Variants in POMT1 observed in about 807,000 individuals in gnomAD.
POMT1 encodes the protein protein O-mannosyl-transferase 1.
A neutral mutation model predicts 101.6 loss-of-function variants in POMT1; 85 were observed. The observed-to-expected ratio is 0.84, with a 90% CI of 0.70 to 1.00. POMT1 has a LOEUF of 1.00. POMT1 is among the 50% of genes least tolerant of loss of function. The pLI, the probability that POMT1 is intolerant of heterozygous loss-of-function variation, is 0.00. For missense variants in POMT1, 857 were observed against 930.4 expected (o/e 0.92, Z 1.03); for synonymous variants, 371 against 383.0 (o/e 0.97, Z 0.37).
rs1224773948 is a variant in POMT1 at position 131,521,385 on chromosome 9, T to G, written c.1738T>G (p.Ser580Ala). The G allele has an allele frequency of 1.2e-6, 2 of 1,614,190 alleles. No individual in the cohort carries two copies. The highest frequency in any genetic ancestry group is 3.3e-5 in the Admixed American group (2 of 60,010). The part of the protein sequence containing the change: ...HLLGNIVIWV[S>A]GSLALAIYAL... ...ACTTGGAAACATAGTGATCTGGGTT[T>G]CGGGCAGCCTCGCTCTGGCCATCTA... The change falls in exon 18 of 20, where the codon TCG becomes GCG. Residue 580 changes from serine to alanine, a missense_variant. Ser to Ala is a moderately conservative substitution (Grantham distance 99). Transcript: ENST00000402686.
At chr9:131,521,983 AAGAG>A in intron 18 of POMT1, 60 bp from the exon 19 acceptor site, 1 of 1,608,220 alleles carries the variant, frequency 6.2e-7, no homozygotes, top group Admixed American at 1.7e-5. Context: ...AAAAAAGCAA[AAGAG>A]AGAGAAGACC....
chr9:131,520,373 G>A (rs1289956107), intron 17 of POMT1, among the ~76,000 whole-genome samples, 180 bp downstream of exon 17: 1 of 152,264 alleles, frequency 6.6e-6, no homozygotes, highest in Non-Finnish European at 1.5e-5. Flanking sequence ...AGGAGTAGGG[G>A]TGTGGCATGT....
Position 131,521,469 on chromosome 9 carries a change from C to A in POMT1, c.1822C>A (p.Gln608Lys). Residue 608 changes from glutamine (Q) to lysine (K), a missense_variant, in exon 18 of 20, where the codon CAG (glutamine) becomes AAG (lysine). Transcript: ENST00000402686. ...GCGAAGAAATGTCCATGACCTCCCT[C>A]AGGGTTAGTACCTCTCCCACATGGC... is the stretch of plus-strand genomic sequence containing the variant. ...RRRRNVHDLP[Q>K]DAWLRWVLAG... The A allele has an allele frequency of 6.2e-7, 1 of 1,614,006 alleles. No individual in the cohort carries two copies. The highest frequency in any genetic ancestry group is 8.5e-7 in the Non-Finnish European group (1 of 1,179,966).
intron 2 of POMT1, 90 bp from the exon 3 acceptor site, chr9:131,506,024 T>G: frequency 6.4e-7 from 1 of 1,559,884 alleles, no homozygotes; most frequent in Non-Finnish European, 8.7e-7. Context: ...TCAAAGTCAT[T>G]TGGAAACACA....
Position 131,513,891 on chromosome 9 carries a change from C to T in POMT1, c.1175+560C>T, listed in dbSNP as rs368911953. Among the ~76,000 whole-genome samples, 47 of 152,316 alleles carry T rather than the reference C, an allele frequency of 3.1e-4. No homozygotes were observed. In the East Asian group the frequency reaches 4.2e-3, roughly 14 times the overall value. On this transcript the variant is annotated intron_variant, in intron 12 of 19. Transcript: ENST00000402686. ...TTGCTCTCAGTCTCTGAGGGCCCTC[C>T]GGCCTTGCTGCCTCTGCACAGGCCC...
rs140258585 is a variant in POMT1 at position 131,522,041 on chromosome 9, C to A, written c.1826-6C>A. ...GAGTCGGTGTAGCTCGAGCCCTTTC[C>A]TATAGATGCCTGGCTGCGCTGGGTG... On this transcript the variant is annotated splice_polypyrimidine_tract_variant and splice_region_variant and intron_variant, in intron 18 of 19. Coordinates refer to ENST00000402686, the MANE Select transcript of POMT1 (RefSeq NM_001077365.2). This position sits in a 1 kb window ranked among gnomAD's most constrained non-coding sequence, Gnocchi z 5.5. The A allele has an allele frequency of 0.011, 17,628 of 1,614,002 alleles. 148 individuals carry two copies. The highest frequency in any genetic ancestry group is 0.014 in the Non-Finnish European group (16,034 of 1,180,032).
intron 13 of POMT1, among the ~76,000 whole-genome samples, chr9:131,518,027 G>A (rs1355208475): frequency 3.3e-5 from 5 of 152,260 alleles, no homozygotes; most frequent in Admixed American, 6.5e-5. Context: ...CTCGATGCGA[G>A]GAAATCTCTA....
At chr9:131,510,671 T>A in intron 9 of POMT1, 1 of 499,510 alleles carries the variant, frequency 2.0e-6, no homozygotes, top group East Asian at 4.1e-5. Context: ...ACCCAGCTAA[T>A]TTTTTTGTTT....
In POMT1 at chr9:131,521,640, A is replaced by G. The variant is rs536510274; in HGVS notation, c.1825+168A>G. ...CTGAGCATTCACCGCCTCAAGTGAC[A>G]AACCGACTTCATAGGAACCTACCCC... On this transcript the variant is annotated intron_variant, in intron 18 of 19. Transcript: ENST00000402686. Among the ~76,000 whole-genome samples the G allele has an allele frequency of 8.5e-5, 13 of 152,298 alleles. No homozygotes were observed. The East Asian group carries it at 2.1e-3, about 25-fold the overall frequency.
rs779067046 is a variant in POMT1 at position 131,523,098 on chromosome 9, A to G, written c.2170A>G (p.Lys724Glu). The G allele has an allele frequency of 1.2e-6, 2 of 1,610,990 alleles. No homozygotes were observed. Among genetic ancestry groups the G allele is most frequent in the Non-Finnish European group, 1.7e-6 (2 of 1,179,762 alleles). The stretch of plus-strand genomic sequence containing the variant: ...AGACAGCTGGGACATCTTGATCCGA[A>G]AACACTAGAACAAGAGTGTGGCAAA... ...WKDSWDILIR[K>E]H Residue 724 changes from lysine to glutamate, a missense_variant, in exon 20 of 20, where the codon AAA (lysine) becomes GAA (glutamate). Physicochemically the swap from Lys to Glu is moderately conservative, Grantham distance 56. Coordinates refer to ENST00000402686, the MANE Select transcript of POMT1 (RefSeq NM_001077365.2).
At position 131,509,985 on chromosome 9, in the gene POMT1, A is replaced by T. The variant is rs776314368; in HGVS notation, c.688A>T (p.Thr230Ser). The change falls in exon 8 of 20, where the codon ACT (threonine) becomes TCT (serine). Residue 230 changes from threonine (T) to serine (S), a missense_variant. Coordinates refer to ENST00000402686, the MANE Select transcript of POMT1 (RefSeq NM_001077365.2). ...TGCCTGGCACCTGCTTGGAGACCAGACTTTGTCCAATGTAGGTGCTGATGT... is the reference window on the plus strand; with the variant it reads ...TGCCTGGCACCTGCTTGGAGACCAGTCTTTGTCCAATGTAGGTGCTGATGT... ...VHAWHLLGDQ[T>S]LSNVCVFCHL... The T allele has an allele frequency of 6.8e-6, 11 of 1,614,168 alleles. No individual in the cohort carries two copies. The East Asian group carries it at 2.5e-4, about 36-fold the overall frequency.
intron 5 of POMT1, 73 bp downstream of exon 5, chr9:131,507,587 T>A: frequency 6.3e-7 from 1 of 1,592,722 alleles, no homozygotes; most frequent in Non-Finnish European, 8.6e-7. Context: ...GAAGATCACA[T>A]GGGCTTGGTG....
chr9:131,509,397 C>T (rs1405122862), intron 6 of POMT1, among the ~76,000 whole-genome samples: 4 of 152,208 alleles, frequency 2.6e-5, no homozygotes, highest in Non-Finnish European at 4.4e-5. Context: ...GTGATCTACC[C>T]GTCTTGGCCT....
At chr9:131,515,770 A>G (rs1188778736) in intron 13 of POMT1, among the ~76,000 whole-genome samples, 1 of 25,326 alleles carries the variant, frequency 3.9e-5, no homozygotes, top group African/African-American at 7.5e-5. Flanking sequence ...TTCCTCTAAC[A>G]TGGAGCACTT....
rs1564366234 is a variant in POMT1 at position 131,515,719 on chromosome 9, GGAGCACTTCCTGTAACAGGA to G, written c.1272+198_1272+217del. On this transcript the variant is annotated intron_variant, in intron 13 of 19. Transcript: ENST00000402686. ...CCTCACACGGAACACTTCCTCACAC[GGAGCACTTCCTGTAACAGGA>G]CACTTCCTCACACGGAGCACTTCCT... Among the ~76,000 whole-genome samples the G allele has an allele frequency of 4.6e-4, 62 of 135,170 alleles. 4 individuals are homozygous for G. The highest frequency in any genetic ancestry group is 4.0e-3 in the East Asian group (18 of 4,468). The allele number at this position is 135,170 out of a possible 152,430, so 88.7% of individuals were successfully genotyped here.
intron 1 of POMT1, 55 bp from the exon 2 acceptor site, chr9:131,504,134 C>T: frequency 2.5e-6 from 4 of 1,607,946 alleles, no homozygotes; most frequent in Non-Finnish European, 3.4e-6. Context: ...CTGGGGATCC[C>T]TTCTGTAGCC....
At chr9:131,510,184 T>C in intron 8 of POMT1, 76 bp from the exon 9 acceptor site, 1 of 1,610,482 alleles carries the variant, frequency 6.2e-7, no homozygotes. Flanking sequence ...ACTAACTTTT[T>C]CTAAGCTCAC....
rs926824446 is a variant in POMT1, at chr9:131,520,846, TGAGA to T, written c.1699-495_1699-492del. On this transcript the variant is annotated intron_variant, in intron 17 of 19. Coordinates refer to ENST00000402686, the MANE Select transcript of POMT1 (RefSeq NM_001077365.2). The stretch of plus-strand genomic sequence containing the variant: ...TCAGTGCTGTGTGTGTGTGTGTATG[TGAGA>T]GAGAAAGAGAGAGACGGAGTCTTGC... 8.2e-4 allele frequency among the ~76,000 whole-genome samples: 125 copies of T among 152,280 alleles called. 1 individual carries two copies. The highest frequency in any genetic ancestry group is 6.8e-3 in the Middle Eastern group (2 of 294).
intron 13 of POMT1, chr9:131,518,168 C>T (rs570158123): frequency 1.4e-5 from 7 of 483,108 alleles, no homozygotes; most frequent in Non-Finnish European, 2.0e-5. Context: ...CAGAGAGGCA[C>T]GAAGAACATC....
Sources: gnomAD v4.1 joint callset for allele counts (sites outside exome capture counted in the v4.1 genomes callset) on GRCh38, gnomAD v4.1.1 for gene constraint, Gnocchi (gnomAD v3.1) non-coding constraint, MANE v1.5 for transcripts, NCBI Gene and HGNC (gene_info 2026-07-23, HGNC 2026-07-21) for gene names.